Variants in PRKCI observed in about 807,000 individuals in gnomAD.
PRKCI encodes the protein protein kinase C iota.
In PRKCI, 43 loss-of-function variants were observed where a neutral mutation model predicts 84.0. The observed-to-expected ratio is 0.51, with a 90% CI of 0.40 to 0.66. PRKCI has a LOEUF of 0.66. PRKCI is among the 30% of genes least tolerant of loss of function. PRKCI has a pLI of 0.00. For missense variants in PRKCI, 459 were observed against 745.6 expected (o/e 0.62, Z 4.48); for synonymous variants, 216 against 234.4 (o/e 0.92, Z 0.72).
Position 170,303,057 on chromosome 3 carries a change from T to C in PRKCI, c.1721T>C (p.Ile574Thr), listed in dbSNP as rs1280082949. 1 of 1,601,420 alleles carries C rather than the reference T, an allele frequency of 6.2e-7. No homozygotes were observed. Among genetic ancestry groups the C allele is most frequent in the Non-Finnish European group, 8.5e-7 (1 of 1,174,402 alleles). ...TTCAACAGTGACATTGTGAGGAAGA[T>C]TGATCAGTCTGAATTTGAAGGTTTT... Reference protein sequence around the residue: ...TPDDDDIVRKIDQSEFEGFEY... With the variant: ...TPDDDDIVRKTDQSEFEGFEY... The change falls in exon 18 of 18, where the codon ATT (isoleucine) becomes ACT (threonine). Residue 574 changes from isoleucine (I) to threonine (T), a missense_variant. Physicochemically the swap from Ile to Thr is moderately conservative, Grantham distance 89. Transcript: ENST00000295797.
At chr3:170,300,711 A>G (rs73879193) in intron 17 of PRKCI, among the ~76,000 whole-genome samples, 14,556 of 149,962 alleles carry the variant, frequency 0.097, 869 homozygotes, top group Middle Eastern at 0.2. Flanking sequence ...TTTACTGTCA[A>G]CACTTCAACC....
intron 2 of PRKCI, among the ~76,000 whole-genome samples, chr3:170,255,299 A>G (rs950893515): frequency 2.0e-5 from 3 of 151,950 alleles, no homozygotes; most frequent in African/African-American, 7.3e-5. Flanking sequence ...ACCTCAGGTG[A>G]TCCTCCCACC....
intron 8 of PRKCI, among the ~76,000 whole-genome samples, chr3:170,279,514 TGCAGGCATCTAATAA>T (rs1175894871): frequency 1.3e-5 from 2 of 152,206 alleles, no homozygotes; most frequent in Non-Finnish European, 2.9e-5. Context: ...CTGATGATTT[TGCAGGCATCTAATAA>T]AAGACTGTCT....
At chr3:170,232,633 C>A (rs890745547) in intron 1 of PRKCI, among the ~76,000 whole-genome samples, 2 of 151,926 alleles carry the variant, frequency 1.3e-5, no homozygotes, top group African/African-American at 4.8e-5. Context: ...ATGGCTCGAT[C>A]ATGGCTCACT....
intron 2 of PRKCI, among the ~76,000 whole-genome samples, chr3:170,242,010 A>G (rs1007378947): frequency 6.6e-6 from 1 of 152,226 alleles, no homozygotes; most frequent in Admixed American, 6.5e-5. Context: ...TTGGGAGGCT[A>G]AGGTAGGAGA....
At chr3:170,281,827 A>C in intron 10 of PRKCI, 55 bp from the exon 11 acceptor site, 1 of 1,521,804 alleles carries the variant, frequency 6.6e-7, no homozygotes. Flanking sequence ...GAAAATGCAA[A>C]GTTACACTAC....
At chr3:170,286,135 C>T (rs1734382767) in intron 12 of PRKCI, among the ~76,000 whole-genome samples, 1 of 151,860 alleles carries the variant, frequency 6.6e-6, no homozygotes, top group African/African-American at 2.4e-5. Flanking sequence ...CCATGTTGGC[C>T]AGGCTGGTCG....
At chr3:170,249,084 G>A (rs1733368419) in intron 2 of PRKCI, among the ~76,000 whole-genome samples, 1 of 151,880 alleles carries the variant, frequency 6.6e-6, no homozygotes, top group African/African-American at 2.4e-5. Context: ...TCCTGACCTC[G>A]TGATCTGCCC....
At chr3:170,299,296 G>A (rs1044619158) in intron 17 of PRKCI, among the ~76,000 whole-genome samples, 186 bp downstream of exon 17, 1 of 151,938 alleles carries the variant, frequency 6.6e-6, no homozygotes, top group Non-Finnish European at 1.5e-5. Flanking sequence ...GTGCAATCTC[G>A]GCTCACTGCA....
At chr3:170,224,330 T>G (rs1006471297) in intron 1 of PRKCI, among the ~76,000 whole-genome samples, 1 of 152,114 alleles carries the variant, frequency 6.6e-6, no homozygotes, top group Non-Finnish European at 1.5e-5. Context: ...TAAGGAGGTT[T>G]TTATTTTAAA....
Position 170,222,605 on chromosome 3 carries a change from C to T in PRKCI, c.-65C>T. ...CCGGCAAGCGCAGGCGGCGGAGTCC[C>T]CCACGGCGCCCGAAGCGCCCCCCCG... On this transcript the variant is annotated 5_prime_UTR_variant, in exon 1 of 18. Transcript: ENST00000295797. The T allele has an allele frequency of 1.4e-6, 2 of 1,399,738 alleles. No homozygotes were observed. Among genetic ancestry groups the T allele is most frequent in the Non-Finnish European group, 1.9e-6 (2 of 1,038,020 alleles). 86.7% of individuals were successfully genotyped at this position (1,399,738 alleles called of 1,614,324 possible).
At chr3:170,235,910 G>A (rs2108837494) in intron 2 of PRKCI, among the ~76,000 whole-genome samples, 1 of 151,428 alleles carries the variant, frequency 6.6e-6, no homozygotes, top group South Asian at 2.1e-4. Context: ...ATCAAATAGT[G>A]TGATGTTTTA....
At position 170,245,950 on chromosome 3, in the gene PRKCI, T is replaced by TTTTTTTTTTTTTGTTTGTTTG. The variant is rs1553837896; in HGVS notation, c.223+10611_223+10612insGTTTGTTTGTTTTTTTTTTTT. Among the ~76,000 whole-genome samples the TTTTTTTTTTTTTGTTTGTTTG allele has an allele frequency of 3.6e-4, 16 of 44,352 alleles. No homozygotes were observed. The East Asian group carries it at 8.1e-3, about 22-fold the overall frequency. 29.1% of individuals were successfully genotyped at this position (44,352 alleles called of 152,430 possible). Reference sequence around the variant, plus strand: ...TTTTTCCCTGGATGTTATGTCTTTGTTTTTTTTTTTTTTTTTTTTTCTGAC... The same window carrying TTTTTTTTTTTTTGTTTGTTTG: ...TTTTTCCCTGGATGTTATGTCTTTGTTTTTTTTTTTTTGTTTGTTTGTTTTTTTTTTTTTTTTTTTTCTGAC... On this transcript the variant is annotated intron_variant, in intron 2 of 17. Coordinates refer to ENST00000295797, the MANE Select transcript of PRKCI (RefSeq NM_002740.6).
At position 170,275,081 on chromosome 3, in the gene PRKCI, C is replaced by T. The variant is rs188984444; in HGVS notation, c.647-148C>T. ...ATTTGTTATTAGTAGGACAGATAGT[C>T]AGTTTTAAATAATGAAAATTTATTC... On this transcript the variant is annotated intron_variant, in intron 7 of 17. Transcript: ENST00000295797. The T allele has an allele frequency of 5.4e-4, 504 of 930,400 alleles. 9 individuals carry two copies. The East Asian group carries it at 0.012, about 23-fold the overall frequency. The allele number at this position is 930,400 out of a possible 1,614,324, so 57.6% of individuals were successfully genotyped here. A position where few individuals can be genotyped will look rare whatever the true frequency, so the allele number is the denominator to read the frequency against.
rs189168403 is a variant in PRKCI at position 170,245,665 on chromosome 3, C to T, written c.223+10314C>T. 2.9e-3 allele frequency among the ~76,000 whole-genome samples: 441 copies of T among 151,990 alleles called. 2 individuals are homozygous for T. Among genetic ancestry groups the T allele is most frequent in the Middle Eastern group, 0.027 (8 of 294 alleles). ...TGATCCCCACACTGTTTTCTCCTTA[C>T]TCTCACTTCTCCATCCCTAGGCAAT... On this transcript the variant is annotated intron_variant, in intron 2 of 17. Coordinates refer to ENST00000295797, the MANE Select transcript of PRKCI (RefSeq NM_002740.6).
intron 12 of PRKCI, among the ~76,000 whole-genome samples, chr3:170,285,630 T>A (rs780419031): frequency 1.3e-5 from 2 of 152,232 alleles, no homozygotes; most frequent in African/African-American, 4.8e-5. Flanking sequence ...ATCGAAGATT[T>A]AACTTTATTA....
At chr3:170,251,766 T>C (rs1175999661) in intron 2 of PRKCI, among the ~76,000 whole-genome samples, 2 of 151,368 alleles carry the variant, frequency 1.3e-5, no homozygotes, top group African/African-American at 4.9e-5. Context: ...AAAAACTAGC[T>C]GGGCATGGTG....
intron 2 of PRKCI, among the ~76,000 whole-genome samples, chr3:170,251,154 G>C (rs191178130): frequency 2.6e-5 from 4 of 152,288 alleles, no homozygotes; most frequent in African/African-American, 9.6e-5. Flanking sequence ...AAACTCAATT[G>C]AGTGTCATAA....
intron 13 of PRKCI, among the ~76,000 whole-genome samples, chr3:170,292,660 A>C (rs748125588): frequency 6.8e-6 from 1 of 148,102 alleles, no homozygotes; most frequent in Non-Finnish European, 1.5e-5. Context: ...CAGTGAACCG[A>C]GATTGTGCCA....
Sources: gnomAD v4.1 joint callset for allele counts (sites outside exome capture counted in the v4.1 genomes callset) on GRCh38, gnomAD v4.1.1 for gene constraint, MANE v1.5 for transcripts, NCBI Gene and HGNC (gene_info 2026-07-23, HGNC 2026-07-21) for gene names.